Variants in PTCD2 observed in about 807,000 individuals in gnomAD.
PTCD2 encodes pentatricopeptide repeat domain 2.
In PTCD2, 31 loss-of-function variants were observed where a neutral mutation model predicts 42.6. The observed-to-expected ratio is 0.73, with a 90% CI of 0.55 to 0.98. The LOEUF (loss-of-function observed/expected upper bound fraction) is 0.98. PTCD2 is among the 50% of genes least tolerant of loss of function. The pLI is 0.00. For missense variants in PTCD2, 476 were observed against 454.8 expected (o/e 1.05, Z -0.42); for synonymous variants, 183 against 170.9 (o/e 1.07, Z -0.55).
chr5:72,345,081 C>T (rs952943682), intron 8 of PTCD2, among the ~76,000 whole-genome samples: 25 of 152,116 alleles, frequency 1.6e-4, no homozygotes, highest in East Asian at 5.8e-4. Flanking sequence ...AGCCTGGGAG[C>T]GCTACGGGAG....
intron 3 of PTCD2, among the ~76,000 whole-genome samples, chr5:72,327,254 T>G (rs922224782): frequency 1.4e-4 from 22 of 152,154 alleles, no homozygotes; most frequent in African/African-American, 5.3e-4. Context: ...CTCACCTAAA[T>G]CCTTTCAGTG....
In PTCD2 at chr5:72,359,822, C is replaced by G. The variant is rs1008283770; in HGVS notation, c.*1395C>G. 6.6e-6 allele frequency: 1 copy of G among 152,054 alleles called. No individual in the cohort carries two copies. Among genetic ancestry groups the G allele is most frequent in the African/African-American group, 2.4e-5 (1 of 41,412 alleles). The allele number at this position is 152,054 out of a possible 1,614,324, so 9.4% of individuals were successfully genotyped here. On this transcript the variant is annotated 3_prime_UTR_variant, in exon 10 of 10. Transcript: ENST00000380639. The stretch of plus-strand genomic sequence containing the variant: ...CTAGTCTAGTATCCTTCCCACTGTA[C>G]CACATTATCTCTTTTCAGAGGGGAA...
chr5:72,338,266 C>T (rs552689013), intron 6 of PTCD2, among the ~76,000 whole-genome samples: 27 of 152,304 alleles, frequency 1.8e-4, no homozygotes, highest in Non-Finnish European at 3.8e-4. Context: ...GAGCCTTAAT[C>T]AGCTATTTCA....
chr5:72,326,656 C>T lies in PTCD2; in HGVS notation c.265C>T (p.Leu89Phe). The stretch of plus-strand genomic sequence containing the variant: ...GAAAAAGAAACTGACCCAGAACAAG[C>T]TCATCTTGAAGGGGGAGTTGATAAC... ...NLKKKLTQNKLILKGELITLL... is the reference protein window; with the variant it reads ...NLKKKLTQNKFILKGELITLL... Residue 89 changes from leucine (L) to phenylalanine (F), a missense_variant, in exon 3 of 10, where the codon CTC becomes TTC. Physicochemically the swap from Leu to Phe is conservative, Grantham distance 22 (BLOSUM62 0). Coordinates refer to ENST00000380639, the MANE Select transcript of PTCD2 (RefSeq NM_024754.5). 1 of 1,614,102 alleles carries T rather than the reference C, an allele frequency of 6.2e-7. No individual in the cohort carries two copies. The highest frequency in any genetic ancestry group is 1.3e-5 in the African/African-American group (1 of 75,044).
chr5:72,331,828 A>G (rs995784749), intron 4 of PTCD2, among the ~76,000 whole-genome samples: 3 of 152,254 alleles, frequency 2.0e-5, no homozygotes, highest in African/African-American at 7.2e-5. Flanking sequence ...TCCTAAAAAC[A>G]AAAGTAAATA....
intron 1 of PTCD2, 138 bp downstream of exon 1, chr5:72,320,647 G>A (rs765916762): frequency 1.6e-6 from 2 of 1,225,028 alleles, no homozygotes; most frequent in Non-Finnish European, 2.3e-6. Flanking sequence ...CCCTCTAGTT[G>A]CACGTGGGTG....
chr5:72,362,173 T>TC lies in PTCD2; in HGVS notation c.*3752dup, dbSNP rs1753111397. On this transcript the variant is annotated 3_prime_UTR_variant, in exon 10 of 10. Coordinates refer to ENST00000380639, the MANE Select transcript of PTCD2 (RefSeq NM_024754.5). ...ATACACTCAGTGCAGGGTCTGAATG[T>TC]CCCCCCAAACTCATATGTTGAACTC... 1 of 152,188 alleles carries TC rather than the reference T, an allele frequency of 6.6e-6. No individual in the cohort carries two copies. Among genetic ancestry groups the TC allele is most frequent in the Non-Finnish European group, 1.5e-5 (1 of 68,064 alleles). The allele number at this position is 152,188 out of a possible 1,614,324, so 9.4% of individuals were successfully genotyped here.
chr5:72,335,770 C>T (rs919337121), intron 5 of PTCD2, 24 bp from the exon 6 acceptor site: 25 of 1,520,592 alleles, frequency 1.6e-5, no homozygotes, highest in African/African-American at 1.5e-4. Flanking sequence ...TCTAACACTG[C>T]GATCCACTCT....
At position 72,330,353 on chromosome 5, in the gene PTCD2, A is replaced by T. The variant is rs1183516794; in HGVS notation, c.351-905A>T. 2.0e-5 allele frequency among the ~76,000 whole-genome samples: 3 copies of T among 151,880 alleles called. 1 individual carries two copies. The highest frequency in any genetic ancestry group is 3.9e-4 in the East Asian group (2 of 5,180). On this transcript the variant is annotated intron_variant, in intron 3 of 9. Transcript: ENST00000380639. ...AATAGACTAGCGTAATACTACTCTG[A>T]CTCCTCGATGATTTTTAGCAGAAGG...
intron 6 of PTCD2, among the ~76,000 whole-genome samples, chr5:72,338,189 T>A (rs1425257589): frequency 6.6e-6 from 1 of 152,264 alleles, no homozygotes; most frequent in East Asian, 1.9e-4. Context: ...TGTTCGTGTT[T>A]TCAAATATTT....
chr5:72,341,060 G>A (rs972647455), intron 7 of PTCD2, among the ~76,000 whole-genome samples: 10 of 151,768 alleles, frequency 6.6e-5, no homozygotes, highest in Non-Finnish European at 1.5e-4. Context: ...CGCCTCCTGG[G>A]TTAAAGTGAT....
At position 72,334,840 on chromosome 5, in the gene PTCD2, C is replaced by T. The variant is rs994222125; in HGVS notation, c.469-178C>T. 5.3e-5 allele frequency among the ~76,000 whole-genome samples: 8 copies of T among 152,130 alleles called. No homozygotes were observed. In the East Asian group the frequency reaches 7.7e-4, roughly 15 times the overall value. On this transcript the variant is annotated intron_variant, in intron 4 of 9. Transcript: ENST00000380639. Reference sequence around the variant, plus strand: ...CTGAGATTATAGGCGTGAGCCACCACGCCCGGCCAACTTTTCAAAAATAAA... The same window carrying T: ...CTGAGATTATAGGCGTGAGCCACCATGCCCGGCCAACTTTTCAAAAATAAA...
chr5:72,344,643 C>T (rs1028971890), intron 8 of PTCD2, among the ~76,000 whole-genome samples: 1 of 152,160 alleles, frequency 6.6e-6, no homozygotes, highest in African/African-American at 2.4e-5. Context: ...GAACCTGCCC[C>T]CAATAGTCAC....
rs139002267 is a variant in PTCD2, at chr5:72,323,892, C to T, written c.220+1628C>T. Among the ~76,000 whole-genome samples the T allele has an allele frequency of 8.5e-5, 13 of 152,196 alleles. No homozygotes were observed. The East Asian group carries it at 2.5e-3, about 29-fold the overall frequency. On this transcript the variant is annotated intron_variant, in intron 2 of 9. Coordinates refer to ENST00000380639, the MANE Select transcript of PTCD2 (RefSeq NM_024754.5). ...AACTCCCAGGCTCAAGCTAGTATCC[C>T]GCCTCAGTCTCCTAAAGTACAAGCG... is the stretch of plus-strand genomic sequence containing the variant.
intron 4 of PTCD2, among the ~76,000 whole-genome samples, chr5:72,332,453 A>C (rs1476786353): frequency 6.6e-6 from 1 of 152,300 alleles, no homozygotes; most frequent in East Asian, 1.9e-4. Context: ...GATAGACACT[A>C]AATCACTTTA....
chr5:72,342,270 A>G (rs531081816), intron 7 of PTCD2, among the ~76,000 whole-genome samples: 1 of 152,182 alleles, frequency 6.6e-6, no homozygotes, highest in South Asian at 2.1e-4. Context: ...AGTCAACAGA[A>G]GTAGGCACTG....
chr5:72,365,688 G>C lies in PTCD2; in HGVS notation c.*7261G>C, dbSNP rs183765457. ...TCAGGTAGGGTGAGGAGTATGTTCC[G>C]GTTATAGCTGGTAGCAAGATGGCTG... On this transcript the variant is annotated 3_prime_UTR_variant, in exon 10 of 10. Transcript: ENST00000380639. The C allele has an allele frequency of 6.6e-6, 1 of 152,128 alleles. No homozygotes were observed. The highest frequency in any genetic ancestry group is 1.5e-5 in the Non-Finnish European group (1 of 68,026). The allele number at this position is 152,128 out of a possible 1,614,324, so 9.4% of individuals were successfully genotyped here.
intron 3 of PTCD2, among the ~76,000 whole-genome samples, chr5:72,327,609 G>C (rs1193787354): frequency 6.6e-6 from 1 of 151,712 alleles, no homozygotes; most frequent in African/African-American, 2.4e-5. Flanking sequence ...AGTAGCTGGG[G>C]TTACAGGTGC....
chr5:72,358,503 T>A lies in PTCD2; in HGVS notation c.*76T>A. On this transcript the variant is annotated 3_prime_UTR_variant, in exon 10 of 10. Coordinates refer to ENST00000380639, the MANE Select transcript of PTCD2 (RefSeq NM_024754.5). ...ATTACCTTTCCTAAGAAGCCAGGTATCGCACTTCAGCAGACAGTGTGCTGA... is the reference window on the plus strand; with the variant it reads ...ATTACCTTTCCTAAGAAGCCAGGTAACGCACTTCAGCAGACAGTGTGCTGA... The A allele has an allele frequency of 9.4e-7, 1 of 1,068,332 alleles. No individual in the cohort carries two copies. The highest frequency in any genetic ancestry group is 1.4e-6 in the Non-Finnish European group (1 of 711,546). 66.2% of individuals were successfully genotyped at this position (1,068,332 alleles called of 1,614,324 possible).
Sources: allele counts gnomAD v4.1 joint callset (sites outside exome capture counted in the v4.1 genomes callset), GRCh38; gene constraint gnomAD v4.1.1; transcripts MANE v1.5; gene names NCBI Gene and HGNC (gene_info 2026-07-23, HGNC 2026-07-21).